Variants in ATXN8OS observed in about 807,000 individuals in gnomAD.
ATXN8OS encodes the protein ATXN8 opposite strand lncRNA, also known as ATXN8 opposite strand (non-protein coding).
chr13:70,118,453 G>A (rs1194656409), intron 2 of ATXN8OS, among the ~76,000 whole-genome samples: 2 of 151,944 alleles, frequency 1.3e-5, no homozygotes, highest in African/African-American at 4.8e-5. Flanking sequence ...CCATCATTGT[G>A]GGATTTTTTG....
At chr13:70,115,593 A>G (rs1888267874) in intron 2 of ATXN8OS, among the ~76,000 whole-genome samples, 1 of 152,152 alleles carries the variant, frequency 6.6e-6, no homozygotes, top group Admixed American at 6.6e-5. Context: ...CTAGACTAGG[A>G]TGGTTCTGCA....
intron 2 of ATXN8OS, chr13:70,129,645 G>T: frequency 1.0e-5 from 4 of 394,416 alleles, no homozygotes; most frequent in Non-Finnish European, 1.8e-5. Context: ...TGTTCTAAAG[G>T]TGTTTGATGT....
chr13:70,164,104 CAAAACCT>C (rs1350113639), intron 4 of ATXN8OS, among the ~76,000 whole-genome samples: 2 of 145,702 alleles, frequency 1.4e-5, no homozygotes, highest in Non-Finnish European at 3.0e-5. Flanking sequence ...ATCCTGTTTC[CAAAACCT>C]GGGAACAGGA....
At chr13:70,163,096 A>T (rs1034531587) in intron 4 of ATXN8OS, among the ~76,000 whole-genome samples, 1 of 152,058 alleles carries the variant, frequency 6.6e-6, no homozygotes. Context: ...TACTAGTGCT[A>T]TCAATAATTA....
At chr13:70,153,332 T>C (rs1357048574) in intron 4 of ATXN8OS, among the ~76,000 whole-genome samples, 2 of 152,134 alleles carry the variant, frequency 1.3e-5, no homozygotes, top group Non-Finnish European at 2.9e-5. Context: ...CCTAGCACTT[T>C]GGGAGGCTGA....
chr13:70,166,441 C>T (rs991929240), intron 4 of ATXN8OS, among the ~76,000 whole-genome samples: 11 of 151,914 alleles, frequency 7.2e-5, no homozygotes, highest in Admixed American at 5.3e-4. Context: ...ATAAATGGTG[C>T]TGGGAAAACT....
intron 3 of ATXN8OS, among the ~76,000 whole-genome samples, chr13:70,141,020 G>T (rs555228690): frequency 2.6e-5 from 4 of 152,252 alleles, no homozygotes; most frequent in South Asian, 2.1e-4. Context: ...TTTACTTGTA[G>T]TCTGAACAAT....
At chr13:70,107,721 A>G, upstream of ATXN8OS, 1 of 1,500,252 alleles carries the variant, frequency 6.7e-7, no homozygotes, top group South Asian at 1.3e-5. Context: ...AGAAGGCAAA[A>G]GGCTGGCAGC....
intron 4 of ATXN8OS, among the ~76,000 whole-genome samples, chr13:70,155,159 G>A (rs919974178): frequency 2.6e-5 from 4 of 152,172 alleles, no homozygotes; most frequent in Admixed American, 6.5e-5. Context: ...TCCTGCAACA[G>A]TACCTTCTCA....
At chr13:70,112,032 G>T (rs1888204173) in intron 1 of ATXN8OS, among the ~76,000 whole-genome samples, 1 of 152,288 alleles carries the variant, frequency 6.6e-6, no homozygotes, top group East Asian at 1.9e-4. Context: ...ACAGCCTTCT[G>T]CTTCTGGGGA....
At chr13:70,115,767 C>CT (rs1183035920) in intron 2 of ATXN8OS, among the ~76,000 whole-genome samples, 2 of 151,886 alleles carry the variant, frequency 1.3e-5, no homozygotes, top group South Asian at 2.1e-4. Context: ...ACATATAATA[C>CT]TTTTTTTAAA....
At chr13:70,156,278 G>C (rs183287115) in intron 4 of ATXN8OS, among the ~76,000 whole-genome samples, 1 of 150,680 alleles carries the variant, frequency 6.6e-6, no homozygotes, top group Admixed American at 6.6e-5. Context: ...TGTTTATATT[G>C]GTTAAATTCA....
At chr13:70,136,076 T>C (rs1888609276) in intron 3 of ATXN8OS, among the ~76,000 whole-genome samples, 1 of 152,236 alleles carries the variant, frequency 6.6e-6, no homozygotes, top group Non-Finnish European at 1.5e-5. Flanking sequence ...TCTGATTGGC[T>C]ACAGGTAGGT....
chr13:70,134,223 A>G (rs1888576465), intron 3 of ATXN8OS, among the ~76,000 whole-genome samples: 1 of 152,216 alleles, frequency 6.6e-6, no homozygotes, highest in South Asian at 2.1e-4. Context: ...TACAAAACAT[A>G]GAAGACATAC....
intron 4 of ATXN8OS, among the ~76,000 whole-genome samples, chr13:70,154,614 T>A (rs987943686): frequency 2.0e-5 from 3 of 152,146 alleles, no homozygotes; most frequent in Non-Finnish European, 4.4e-5. Flanking sequence ...TGTCCCAAAG[T>A]CAGCAATAGG....
At chr13:70,156,533 T>G (rs1033647818) in intron 4 of ATXN8OS, among the ~76,000 whole-genome samples, 2 of 152,158 alleles carry the variant, frequency 1.3e-5, no homozygotes, top group Non-Finnish European at 2.9e-5. Flanking sequence ...TGTATTTATA[T>G]ATTTTCTGAG....
intron 2 of ATXN8OS, among the ~76,000 whole-genome samples, chr13:70,118,044 T>C (rs1210302762): frequency 6.6e-6 from 1 of 152,062 alleles, no homozygotes; most frequent in Admixed American, 6.6e-5. Flanking sequence ...AAAATCAATC[T>C]TTTACATTAT....
chr13:70,139,376 T>TACTACTACTACC (rs1888665881), intron 3 of ATXN8OS: 1 of 689,766 alleles, frequency 1.4e-6, no homozygotes, highest in Non-Finnish European at 2.4e-6. Flanking sequence ...CTACTACTAC[T>TACTACTACTACC]ACTACTACTG....
chr13:70,123,438 TG>T (rs1262952001), intron 2 of ATXN8OS, among the ~76,000 whole-genome samples: 1 of 152,132 alleles, frequency 6.6e-6, no homozygotes, highest in Non-Finnish European at 1.5e-5. Flanking sequence ...TATTTACTAT[TG>T]AAGGTATTAC....
Sources: gnomAD v4.1 joint callset for allele counts (sites outside exome capture counted in the v4.1 genomes callset) on GRCh38, gnomAD v4.1.1 for gene constraint, MANE v1.5 for transcripts, NCBI Gene and HGNC (gene_info 2026-07-23, HGNC 2026-07-21) for gene names.